Variants in SNTG2 observed in about 807,000 individuals in gnomAD.
The protein encoded by SNTG2 is gamma-2-syntrophin.
A neutral mutation model predicts 70.9 loss-of-function variants in SNTG2; 74 were observed. The ratio of observed to expected loss-of-function variants is 1.04; its 90% confidence interval spans 0.86 to 1.27. The LOEUF is 1.27. Among genes scored for constraint, SNTG2 ranks in the 50% most tolerant of loss-of-function variants. SNTG2 has a pLI of 0.00. For synonymous variants in SNTG2, 278 were observed against 273.8 expected, an observed-to-expected ratio of 1.02 and a Z score of -0.15; for missense variants, 717 against 690.7, an observed-to-expected ratio of 1.04 and a Z score of -0.43.
At chr2:1,004,686 T>C (rs1021810483) in intron 1 of SNTG2, among the ~76,000 whole-genome samples, 1 of 152,178 alleles carries the variant, frequency 6.6e-6, no homozygotes, top group Non-Finnish European at 1.5e-5. Flanking sequence ...TGTGGAGCGA[T>C]GGGGACTCTC....
At chr2:1,021,292 A>G (rs1660157948) in intron 1 of SNTG2, among the ~76,000 whole-genome samples, 1 of 152,194 alleles carries the variant, frequency 6.6e-6, no homozygotes, top group South Asian at 2.1e-4. Context: ...TGGTTTCTGT[A>G]TCTTGTTGAC....
At position 1,184,775 on chromosome 2, in the gene SNTG2, A is replaced by G. The variant is rs569533258; in HGVS notation, c.591+11592A>G. On this transcript the variant is annotated intron_variant, in intron 8 of 16. Coordinates refer to ENST00000308624, the MANE Select transcript of SNTG2 (RefSeq NM_018968.4). ...CTGACATTGGGGATTACAATTCAAC[A>G]TGAGATTTGGGCAGAGACACAAATC... 3.9e-5 allele frequency among the ~76,000 whole-genome samples: 6 copies of G among 152,328 alleles called. No homozygotes were observed. In the South Asian group the frequency reaches 1.2e-3, roughly 32 times the overall value.
intron 4 of SNTG2, among the ~76,000 whole-genome samples, chr2:1,109,801 T>C (rs1355231031): frequency 6.6e-6 from 1 of 152,212 alleles, no homozygotes; most frequent in Non-Finnish European, 1.5e-5. Flanking sequence ...CTGTAGCTAA[T>C]TTGATGTGTA....
At chr2:1,252,149 A>T (rs894391428) in intron 12 of SNTG2, among the ~76,000 whole-genome samples, 3 of 152,208 alleles carry the variant, frequency 2.0e-5, no homozygotes, top group African/African-American at 7.2e-5. Context: ...ATCCTTGATG[A>T]TCCACGAGAA....
rs1660313577 is a variant in SNTG2, at chr2:1,023,542, A to G, written c.73-59976A>G. On this transcript the variant is annotated intron_variant, in intron 1 of 16. Transcript: ENST00000308624. Reference sequence around the variant, plus strand: ...ACATAAGTTTTATACTTAAATGGGTAATAGGTTATTATTATTATTTTTATT... The same window carrying G: ...ACATAAGTTTTATACTTAAATGGGTGATAGGTTATTATTATTATTTTTATT... Among the ~76,000 whole-genome samples the G allele has an allele frequency of 3.3e-5, 5 of 151,014 alleles. No homozygotes were observed. In the South Asian group the frequency reaches 8.3e-4, roughly 25 times the overall value.
At chr2:1,259,734 C>T (rs927959111) in intron 13 of SNTG2, among the ~76,000 whole-genome samples, 3 of 152,176 alleles carry the variant, frequency 2.0e-5, no homozygotes, top group Non-Finnish European at 4.4e-5. Flanking sequence ...CATCCACTTA[C>T]AATCATTTAT....
At chr2:1,144,121 C>G (rs28362094) in intron 6 of SNTG2, among the ~76,000 whole-genome samples, 91 of 152,032 alleles carry the variant, frequency 6.0e-4, no homozygotes, top group African/African-American at 2.0e-3. Flanking sequence ...CTCCTCTTTA[C>G]CTCCTAAATC....
intron 1 of SNTG2, among the ~76,000 whole-genome samples, chr2:1,028,744 T>C (rs987249277): frequency 2.6e-5 from 4 of 151,846 alleles, no homozygotes; most frequent in African/African-American, 9.7e-5. Context: ...CCTCCTTTTT[T>C]TTTTTTTTTT....
chr2:999,191 T>C (rs1320486578), intron 1 of SNTG2, among the ~76,000 whole-genome samples: 6 of 151,928 alleles, frequency 3.9e-5, no homozygotes, highest in African/African-American at 1.2e-4. Context: ...CATACAAAAG[T>C]AGAAAACTCA....
chr2:1,021,722 C>T (rs148274917), intron 1 of SNTG2, among the ~76,000 whole-genome samples: 75 of 152,036 alleles, frequency 4.9e-4, no homozygotes, highest in African/African-American at 1.8e-3. Context: ...AGCAATCCTC[C>T]CACCCCAGCC....
intron 1 of SNTG2, among the ~76,000 whole-genome samples, chr2:1,077,714 C>T (rs912241967): frequency 6.6e-6 from 1 of 152,186 alleles, no homozygotes; most frequent in African/African-American, 2.4e-5. Context: ...CTGATATTTC[C>T]TCACAGGTTT....
At chr2:1,114,953 T>C (rs113607715) in intron 4 of SNTG2, among the ~76,000 whole-genome samples, 1,899 of 152,208 alleles carry the variant, frequency 0.012, 30 homozygotes, top group African/African-American at 0.04. Context: ...ACCCTTACAG[T>C]CCTTTGAGAA....
At chr2:1,141,898 G>A (rs939530051) in intron 6 of SNTG2, among the ~76,000 whole-genome samples, 1 of 152,274 alleles carries the variant, frequency 6.6e-6, no homozygotes, top group South Asian at 2.1e-4. Flanking sequence ...ATTGTGACAG[G>A]GGCCATGGCA....
At chr2:1,120,908 T>TA (rs201339071) in intron 4 of SNTG2, among the ~76,000 whole-genome samples, 1,970 of 152,194 alleles carry the variant, frequency 0.013, 34 homozygotes, top group African/African-American at 0.042. Context: ...CAAAAAGACT[T>TA]ATCAGATATA....
intron 8 of SNTG2, among the ~76,000 whole-genome samples, chr2:1,177,163 G>A (rs768590163): frequency 1.3e-5 from 2 of 152,180 alleles, no homozygotes; most frequent in Non-Finnish European, 2.9e-5. Context: ...AAAGGAGCAA[G>A]ACTATGTCCT....
intron 6 of SNTG2, among the ~76,000 whole-genome samples, chr2:1,155,962 C>T (rs770181201): frequency 1.1e-4 from 16 of 152,128 alleles, no homozygotes; most frequent in Non-Finnish European, 1.8e-4. Flanking sequence ...GGCCAGCAGA[C>T]AGAGGGGACA....
intron 1 of SNTG2, among the ~76,000 whole-genome samples, chr2:1,064,425 A>G (rs1400927823): frequency 1.3e-5 from 2 of 150,976 alleles, no homozygotes; most frequent in East Asian, 3.9e-4. Context: ...ATTGATATAT[A>G]ATTATATATA....
At chr2:1,262,622 G>GT (rs199723356) in intron 13 of SNTG2, among the ~76,000 whole-genome samples, 2 of 152,178 alleles carry the variant, frequency 1.3e-5, no homozygotes, top group African/African-American at 4.8e-5. Flanking sequence ...CAGTCCAGAC[G>GT]AGGAAACCCA....
At chr2:1,179,194 T>C (rs1434885914) in intron 8 of SNTG2, among the ~76,000 whole-genome samples, 1 of 152,210 alleles carries the variant, frequency 6.6e-6, no homozygotes, top group East Asian at 1.9e-4. Flanking sequence ...TCTTCTCTCT[T>C]TTCTTCTTTA....
Sources: gnomAD v4.1 joint callset for allele counts (sites outside exome capture counted in the v4.1 genomes callset) on GRCh38, gnomAD v4.1.1 for gene constraint, MANE v1.5 for transcripts, NCBI Gene and HGNC (gene_info 2026-07-23, HGNC 2026-07-21) for gene names.